Variants in CEP128 observed in about 807,000 individuals in gnomAD.
The protein encoded by CEP128 is centrosomal protein 128kDa.
In CEP128, 132 loss-of-function variants were observed where a neutral mutation model predicts 156.7. The observed-to-expected ratio is 0.84, with a 90% CI of 0.73 to 0.97. CEP128 has a LOEUF of 0.97. CEP128 is among the 50% of genes least tolerant of loss of function. The pLI is 0.00. For synonymous variants in CEP128, 469 were observed against 448.9 expected, an observed-to-expected ratio of 1.04 and a Z score of -0.57; for missense variants, 1,252 against 1,281.9, an observed-to-expected ratio of 0.98 and a Z score of 0.36.
rs397973196 is a variant in CEP128 at position 80,895,798 on chromosome 14, G to GAAAAAA, written c.573-14_573-9dup. On this transcript the variant is annotated splice_polypyrimidine_tract_variant and intron_variant, in intron 7 of 24. Transcript: ENST00000555265. ...TTTGTTTCGGCATCTGACCTAGGAA[G>GAAAAAA]AAAAAAAAAAAAAAGATTTAAATTT... 1.3e-3 allele frequency: 1,628 copies of GAAAAAA among 1,262,706 alleles called. 6 individuals are homozygous for GAAAAAA. The highest frequency in any genetic ancestry group is 3.6e-3 in the South Asian group (206 of 57,370). 78.2% of individuals were successfully genotyped at this position (1,262,706 alleles called of 1,614,324 possible). A position where few individuals can be genotyped will look rare whatever the true frequency, so the allele number is the denominator to read the frequency against.
intron 19 of CEP128, among the ~76,000 whole-genome samples, chr14:80,660,914 T>C (rs990625286): frequency 6.6e-6 from 1 of 152,178 alleles, no homozygotes; most frequent in Admixed American, 6.6e-5. Context: ...AAAATTCTAC[T>C]CAATAGCATT....
At chr14:80,817,596 C>T (rs1884935016) in intron 13 of CEP128, among the ~76,000 whole-genome samples, 2 of 151,906 alleles carry the variant, frequency 1.3e-5, no homozygotes, top group Non-Finnish European at 2.9e-5. Flanking sequence ...AAAAAGCTTA[C>T]TTGAGGCCGG....
intron 13 of CEP128, among the ~76,000 whole-genome samples, chr14:80,825,160 C>T (rs752202273): frequency 5.9e-5 from 9 of 152,144 alleles, no homozygotes; most frequent in African/African-American, 7.2e-5. Context: ...TACCTCCAAC[C>T]GGGTCCCTCC....
At chr14:80,637,785 T>G (rs977184917) in intron 19 of CEP128, among the ~76,000 whole-genome samples, 23 of 152,162 alleles carry the variant, frequency 1.5e-4, no homozygotes, top group Admixed American at 1.5e-3. Flanking sequence ...TTGGGCACCA[T>G]ATGTCATCCC....
intron 21 of CEP128, among the ~76,000 whole-genome samples, chr14:80,532,187 G>GTA (rs201158296): frequency 2.3e-4 from 35 of 150,704 alleles, no homozygotes; most frequent in African/African-American, 7.8e-4. Flanking sequence ...TCAATTATGA[G>GTA]TATATATATA....
intron 9 of CEP128, among the ~76,000 whole-genome samples, chr14:80,862,121 G>A (rs34465155): frequency 0.098 from 14,896 of 152,080 alleles, 1,237 homozygotes; most frequent in East Asian, 0.44. Context: ...TTTTAAATTG[G>A]TTTGATAATA....
At chr14:80,493,736 C>G (rs912808648), downstream of CEP128, among the ~76,000 whole-genome samples, 2 of 152,130 alleles carry the variant, frequency 1.3e-5, no homozygotes, top group Admixed American at 1.3e-4. Context: ...CTTCAGCGGT[C>G]AACAATAGGG....
chr14:80,868,946 AT>A (rs1178495739), intron 8 of CEP128, among the ~76,000 whole-genome samples: 1 of 152,176 alleles, frequency 6.6e-6, no homozygotes, highest in Non-Finnish European at 1.5e-5. Flanking sequence ...TCAAGAGGAT[AT>A]AATTGTAAAT....
chr14:80,890,057 C>A lies in CEP128; in HGVS notation c.645+5661G>T, dbSNP rs1248594396. Reference sequence around the variant, plus strand: ...CACCATCACTGGTCATTAGAGAATGCAAAGCAAAACCACAGTGAGATACCA... The same window carrying A: ...CACCATCACTGGTCATTAGAGAATGAAAAGCAAAACCACAGTGAGATACCA... On this transcript the variant is annotated intron_variant, in intron 8 of 24. Coordinates refer to ENST00000555265, the MANE Select transcript of CEP128 (RefSeq NM_152446.5). Among the ~76,000 whole-genome samples the A allele has an allele frequency of 5.7e-4, 87 of 152,212 alleles. 1 individual carries two copies. The highest frequency in any genetic ancestry group is 4.4e-5 in the Non-Finnish European group (3 of 68,014).
intron 21 of CEP128, among the ~76,000 whole-genome samples, chr14:80,536,221 T>C (rs1889476811): frequency 1.3e-5 from 2 of 152,220 alleles, no homozygotes. Context: ...TCCTGTCTCC[T>C]GTAGAGAAAA....
intron 20 of CEP128, among the ~76,000 whole-genome samples, chr14:80,576,566 C>G (rs188288344): frequency 3.9e-5 from 6 of 152,018 alleles, no homozygotes; most frequent in Admixed American, 1.3e-4. Context: ...GAGGCTCCAC[C>G]CCCCCTGCCG....
At chr14:80,804,260 C>T (rs1023175399) in intron 13 of CEP128, among the ~76,000 whole-genome samples, 2 of 152,090 alleles carry the variant, frequency 1.3e-5, no homozygotes, top group African/African-American at 4.8e-5. Context: ...AACACACAAA[C>T]CAAACTGCAA....
Position 80,958,483 on chromosome 14 carries a change from G to A in CEP128, c.-279-198C>T, listed in dbSNP as rs138265639. Among the ~76,000 whole-genome samples, 270 of 152,222 alleles carry A rather than the reference G, an allele frequency of 1.8e-3. 1 individual carries two copies. The highest frequency in any genetic ancestry group is 6.3e-3 in the African/African-American group (260 of 41,554). ...TTTGGAGAAAAAAGTCTGAAAACAA[G>A]TCACATTCAGTAAACCGACTGATAA... is the stretch of plus-strand genomic sequence containing the variant. On this transcript the variant is annotated intron_variant, in intron 1 of 7. Transcript: ENST00000555529.
At chr14:80,536,632 C>T (rs111436083) in intron 21 of CEP128, among the ~76,000 whole-genome samples, 4,820 of 152,254 alleles carry the variant, frequency 0.032, 102 homozygotes, top group Non-Finnish European at 0.049. Context: ...AGACTGTATG[C>T]CTTTTCACTT....
intron 4 of CEP128, among the ~76,000 whole-genome samples, chr14:80,907,854 A>G (rs1022208626): frequency 1.3e-5 from 2 of 152,178 alleles, no homozygotes; most frequent in African/African-American, 4.8e-5. Flanking sequence ...ACTAAACAAT[A>G]TTAAAGCTAA....
At chr14:80,706,520 T>C (rs1897245100) in intron 19 of CEP128, among the ~76,000 whole-genome samples, 1 of 152,072 alleles carries the variant, frequency 6.6e-6, no homozygotes, top group African/African-American at 2.4e-5. Context: ...AAATCTCCTG[T>C]CATTCAAATT....
chr14:80,762,765 A>G (rs1900034173), intron 16 of CEP128, among the ~76,000 whole-genome samples: 1 of 152,144 alleles, frequency 6.6e-6, no homozygotes, highest in Non-Finnish European at 1.5e-5. Flanking sequence ...TGACTTGTAC[A>G]ACTCTGCTTG....
At chr14:80,609,472 AC>A (rs1395348944) in intron 19 of CEP128, among the ~76,000 whole-genome samples, 1 of 152,002 alleles carries the variant, frequency 6.6e-6, no homozygotes, top group Non-Finnish European at 1.5e-5. Flanking sequence ...TCTGGCCCCC[AC>A]CCCCATCCAC....
intron 9 of CEP128, among the ~76,000 whole-genome samples, chr14:80,850,527 C>A (rs1886838934): frequency 6.6e-6 from 1 of 152,130 alleles, no homozygotes; most frequent in African/African-American, 2.4e-5. Context: ...ATATTGCCCT[C>A]ACAAACATTC....
Sources: gnomAD v4.1 joint callset for allele counts (sites outside exome capture counted in the v4.1 genomes callset) on GRCh38, gnomAD v4.1.1 for gene constraint, MANE v1.5 for transcripts, NCBI Gene and HGNC (gene_info 2026-07-23, HGNC 2026-07-21) for gene names.